Variants in EML4 observed in about 807,000 individuals in gnomAD.
EML4 encodes EMAP like 4.
Under a neutral mutation model 129.0 loss-of-function variants are expected in EML4, and 72 were observed. The ratio of observed to expected loss-of-function variants is 0.56; its 90% CI spans 0.46 to 0.68. EML4 has a LOEUF of 0.68. Ranked by LOEUF, EML4 falls within the 30% of genes least tolerant of loss-of-function variation. The probability of loss-of-function intolerance (pLI) is 0.00; values close to 1 mark genes in which losing one functional copy is unlikely to be tolerated. For synonymous variants in EML4, 532 were observed against 405.0 expected, an observed-to-expected ratio of 1.31 and a Z score of -3.77; for missense variants, 1,363 against 1,190.6, an observed-to-expected ratio of 1.14 and a Z score of -2.13.
At chr2:42,308,663 G>C (rs925974934) in intron 17 of EML4, among the ~76,000 whole-genome samples, 1 of 152,114 alleles carries the variant, frequency 6.6e-6, no homozygotes, top group Admixed American at 6.5e-5. Flanking sequence ...GGGTTATGCA[G>C]CTATCCTCAC....
At chr2:42,327,784 C>A (rs1034984674) in intron 21 of EML4, among the ~76,000 whole-genome samples, 2 of 152,212 alleles carry the variant, frequency 1.3e-5, no homozygotes, top group Non-Finnish European at 2.9e-5. Context: ...AATTAAAATA[C>A]TGGATATGGA....
At chr2:42,225,850 A>C (rs980478099) in intron 1 of EML4, among the ~76,000 whole-genome samples, 2 of 152,124 alleles carry the variant, frequency 1.3e-5, no homozygotes, top group African/African-American at 4.8e-5. Context: ...AGAAATTTAA[A>C]AACTTGTTTT....
At chr2:42,256,366 T>C (rs1676149913) in intron 2 of EML4, 135 bp from the exon 3 acceptor site, 2 of 794,152 alleles carry the variant, frequency 2.5e-6, no homozygotes, top group Non-Finnish European at 1.9e-6. Context: ...GGCATTCTGC[T>C]CAAGAGTTAT....
chr2:42,211,638 T>C (rs938701625), intron 1 of EML4, among the ~76,000 whole-genome samples: 2 of 152,194 alleles, frequency 1.3e-5, no homozygotes, highest in African/African-American at 2.4e-5. Context: ...GGTTGAAAAC[T>C]TTATCCTTCC....
Position 42,330,697 on chromosome 2 carries a change from T to A in EML4, c.*490T>A. ...GAGATACCCTCTCACCCCAAATGTG[T>A]AATGGAAAATTTTTAATTAAGAAAA... On this transcript the variant is annotated 3_prime_UTR_variant, in exon 23 of 23. Transcript: ENST00000318522. The A allele has an allele frequency of 4.4e-6, 1 of 227,914 alleles. No homozygotes were observed. Among genetic ancestry groups the A allele is most frequent in the African/African-American group, 2.3e-5 (1 of 43,930 alleles). The allele number at this position is 227,914 out of a possible 1,614,324, so 14.1% of individuals were successfully genotyped here.
At chr2:42,203,601 C>G (rs1166194662) in intron 1 of EML4, among the ~76,000 whole-genome samples, 1 of 150,692 alleles carries the variant, frequency 6.6e-6, no homozygotes. Context: ...ATACTAACAG[C>G]CGTTTATATA....
At chr2:42,264,605 T>C (rs1157457335) in intron 5 of EML4, 101 bp from the exon 6 acceptor site, 2 of 729,262 alleles carry the variant, frequency 2.7e-6, no homozygotes, top group Non-Finnish European at 4.7e-6. Context: ...TTATCTAGAT[T>C]ATAGCCTAAG....
At chr2:42,303,589 G>T in intron 16 of EML4, 143 bp downstream of exon 16, 1 of 936,016 alleles carries the variant, frequency 1.1e-6, no homozygotes, top group South Asian at 1.7e-5. Flanking sequence ...GGAGATAAGA[G>T]GGTAGCGTTT....
At chr2:42,293,935 T>A (rs567918533) in intron 11 of EML4, among the ~76,000 whole-genome samples, 10 of 152,248 alleles carry the variant, frequency 6.6e-5, no homozygotes, top group African/African-American at 2.4e-4. Flanking sequence ...AAGGAAATGC[T>A]TCCGTACACG....
chr2:42,264,900 T>A (rs1237828017), intron 6 of EML4, 169 bp downstream of exon 6: 1 of 1,550,168 alleles, frequency 6.5e-7, no homozygotes, highest in Non-Finnish European at 8.7e-7. Flanking sequence ...TAAGGTAATG[T>A]CATTTTTGTC....
chr2:42,309,385 C>T (rs1668800253), intron 17 of EML4, among the ~76,000 whole-genome samples: 1 of 149,408 alleles, frequency 6.7e-6, no homozygotes, highest in East Asian at 2.0e-4. Flanking sequence ...GCACTCCAGC[C>T]TGGATGACAG....
intron 19 of EML4, among the ~76,000 whole-genome samples, chr2:42,322,692 C>A (rs1669583033): frequency 6.6e-6 from 1 of 152,140 alleles, no homozygotes; most frequent in Middle Eastern, 3.2e-3. Flanking sequence ...AGGAGATATA[C>A]TAGAATTTGC....
At chr2:42,287,731 A>G (rs1434997403) in intron 10 of EML4, among the ~76,000 whole-genome samples, 2 of 152,234 alleles carry the variant, frequency 1.3e-5, no homozygotes, top group Non-Finnish European at 2.9e-5. Flanking sequence ...TTGTTTATTC[A>G]AGTTAATGTA....
chr2:42,252,349 A>C (rs1287924987), intron 2 of EML4, among the ~76,000 whole-genome samples: 1 of 152,172 alleles, frequency 6.6e-6, no homozygotes, highest in African/African-American at 2.4e-5. Context: ...TGGCATTATG[A>C]TGGTTTCCAC....
rs1336516907 is a variant in EML4 at position 42,317,455 on chromosome 2, T to C, written c.2085T>C (p.His695=). The C allele has an allele frequency of 5.0e-6, 8 of 1,612,766 alleles. No individual in the cohort carries two copies. The highest frequency in any genetic ancestry group is 1.3e-5 in the African/African-American group (1 of 74,902). ...IDGTFLAVGS[H]DNFIYLYVVS... is the part of the protein sequence containing the mutation. ...GTACCTTCCTGGCTGTAGGATCTCA[T>C]GACAACTTTATTTACCTCTATGTAG... The change falls in exon 19 of 23, where the codon CAT becomes CAC. Residue 695 remains histidine (H), a synonymous_variant. Transcript: ENST00000318522.
intron 19 of EML4, among the ~76,000 whole-genome samples, chr2:42,321,688 T>C (rs1422963431): frequency 6.6e-6 from 1 of 152,148 alleles, no homozygotes; most frequent in Non-Finnish European, 1.5e-5. Flanking sequence ...AATAATAGTG[T>C]TCTAGCTGGT....
Position 42,330,263 on chromosome 2 carries a change from G to T in EML4, c.*56G>T. On this transcript the variant is annotated 3_prime_UTR_variant, in exon 23 of 23. Transcript: ENST00000318522. ...CAGCTGCATGTGATTTTGTGATAAA[G>T]TTCAGGTAACAGGATGGGCAGTGAT... is the stretch of plus-strand genomic sequence containing the variant. 6.6e-7 allele frequency: 1 copy of T among 1,523,604 alleles called. No individual in the cohort carries two copies. Among genetic ancestry groups the T allele is most frequent in the South Asian group, 1.1e-5 (1 of 88,484 alleles). The allele number at this position is 1,523,604 out of a possible 1,614,324, so 94.4% of individuals were successfully genotyped here. A position where few individuals can be genotyped will look rare whatever the true frequency, so the allele number is the denominator to read the frequency against.
chr2:42,286,423 G>A lies in EML4; in HGVS notation c.1122+44G>A, dbSNP rs1454571060. 4 of 1,215,106 alleles carry A rather than the reference G, an allele frequency of 3.3e-6. No homozygotes were observed. The South Asian group carries it at 3.6e-5, about 11-fold the overall frequency. The allele number at this position is 1,215,106 out of a possible 1,614,324, so 75.3% of individuals were successfully genotyped here. A position where few individuals can be genotyped will look rare whatever the true frequency, so the allele number is the denominator to read the frequency against. Reference sequence around the variant, plus strand: ...AGAAGTAAGCAAGCTGAACAAAAAAGCAGGAAAGAAGTTAAGCTCAGTTTT... The same window carrying A: ...AGAAGTAAGCAAGCTGAACAAAAAAACAGGAAAGAAGTTAAGCTCAGTTTT... On this transcript the variant is annotated intron_variant, in intron 10 of 22. Transcript: ENST00000318522.
chr2:42,268,597 C>T (rs1442925341), intron 6 of EML4, among the ~76,000 whole-genome samples: 1 of 152,066 alleles, frequency 6.6e-6, no homozygotes, highest in Non-Finnish European at 1.5e-5. Context: ...CCACAACACC[C>T]AGCTAATTTT....
Sources: allele counts gnomAD v4.1 joint callset (sites outside exome capture counted in the v4.1 genomes callset), GRCh38; gene constraint gnomAD v4.1.1; transcripts MANE v1.5; gene names NCBI Gene and HGNC (gene_info 2026-07-23, HGNC 2026-07-21).